GALNT13: variants seen among roughly 807,000 people sequenced by gnomAD.
GALNT13 encodes the protein UDP-GalNAc:polypeptide N-acetylgalactosaminyltransferase 13.
A neutral mutation model predicts 64.2 loss-of-function variants in GALNT13; 28 were observed. That is an observed-to-expected ratio of 0.44 (90% CI 0.32 to 0.60). The LOEUF (loss-of-function observed/expected upper bound fraction) is 0.60. GALNT13 is among the 20% of genes least tolerant of loss of function. The pLI is 0.05. For missense variants in GALNT13, 577 were observed against 669.8 expected (o/e 0.86, Z 1.53); for synonymous variants, 214 against 224.6 (o/e 0.95, Z 0.42).
the GALNT13 span, among the ~76,000 whole-genome samples, chr2:153,804,629 T>C: frequency 6.6e-6 from 1 of 152,226 alleles, no homozygotes; most frequent in African/African-American, 2.4e-5. Flanking sequence ...ATTTATTTTT[T>C]ACCTGTTTAA....
At chr2:154,174,100 A>G (rs1416000944) in intron 4 of GALNT13, among the ~76,000 whole-genome samples, 1 of 152,126 alleles carries the variant, frequency 6.6e-6, no homozygotes, top group Non-Finnish European at 1.5e-5. Flanking sequence ...TAGATAATTT[A>G]ATTGTGATGA....
the GALNT13 span, among the ~76,000 whole-genome samples, chr2:153,729,092 T>G: frequency 1.3e-5 from 2 of 152,146 alleles, no homozygotes; most frequent in Non-Finnish European, 2.9e-5. Context: ...CTTCTGAAAC[T>G]GTTCTCCGCA....
chr2:153,879,866 G>A (rs1333978258), intron 1 of GALNT13, among the ~76,000 whole-genome samples: 3 of 152,032 alleles, frequency 2.0e-5, no homozygotes, highest in Non-Finnish European at 4.4e-5. Context: ...ATTATGAATG[G>A]GATAGTAAAC....
the GALNT13 span, among the ~76,000 whole-genome samples, chr2:153,291,971 T>A: frequency 5.9e-5 from 9 of 152,132 alleles, no homozygotes; most frequent in Non-Finnish European, 1.2e-4. Context: ...AGGAGATGTA[T>A]GAAACAAGAA....
At chr2:154,051,574 G>C (rs1699622175) in intron 3 of GALNT13, among the ~76,000 whole-genome samples, 2 of 152,160 alleles carry the variant, frequency 1.3e-5, no homozygotes, top group South Asian at 4.1e-4. Flanking sequence ...ACAGGCGTGA[G>C]CCACCGCGCC....
rs535456364 is a variant in GALNT13 at position 154,079,002 on chromosome 2, C to T, written c.143-61335C>T. Among the ~76,000 whole-genome samples the T allele has an allele frequency of 7.8e-4, 118 of 151,728 alleles. 3 individuals are homozygous for T. The South Asian group carries it at 0.024, about 31-fold the overall frequency. Reference sequence around the variant, plus strand: ...ATATGCTGGCATATGGCACATTTAGCTATTATCATTTCAAGATAATTTCCT... The same window carrying T: ...ATATGCTGGCATATGGCACATTTAGTTATTATCATTTCAAGATAATTTCCT... On this transcript the variant is annotated intron_variant, in intron 3 of 12. Transcript: ENST00000392825.
At chr2:153,560,431 T>C in the GALNT13 span, among the ~76,000 whole-genome samples, 2 of 152,070 alleles carry the variant, frequency 1.3e-5, no homozygotes, top group African/African-American at 2.4e-5. Context: ...AAAAAAAACA[T>C]TCATCCATGT....
the GALNT13 span, among the ~76,000 whole-genome samples, chr2:153,583,899 G>T: frequency 6.6e-6 from 1 of 152,176 alleles, no homozygotes; most frequent in Non-Finnish European, 1.5e-5. Context: ...CTAGAACCAA[G>T]CACCCACTTC....
intron 9 of GALNT13, among the ~76,000 whole-genome samples, chr2:154,324,310 T>C (rs1234762897): frequency 6.6e-6 from 1 of 152,096 alleles, no homozygotes; most frequent in Non-Finnish European, 1.5e-5. Flanking sequence ...CTCAATTAAG[T>C]CTTGTTTCTA....
At chr2:153,337,495 G>T in the GALNT13 span, among the ~76,000 whole-genome samples, 3 of 152,102 alleles carry the variant, frequency 2.0e-5, no homozygotes, top group Admixed American at 1.3e-4. Flanking sequence ...TTAAATACAG[G>T]ATATTTAAGA....
the GALNT13 span, among the ~76,000 whole-genome samples, chr2:153,082,616 T>C: frequency 0.03 from 789 of 26,252 alleles, 3 homozygotes; most frequent in African/African-American, 0.048. Context: ...TATATATATA[T>C]ATACACACAC....
intron 9 of GALNT13, among the ~76,000 whole-genome samples, chr2:154,375,978 G>A (rs1697972217): frequency 6.6e-6 from 1 of 152,152 alleles, no homozygotes; most frequent in Non-Finnish European, 1.5e-5. Flanking sequence ...TTGGAAGGAC[G>A]TAGTTGTTAC....
At chr2:153,809,098 C>T in the GALNT13 span, among the ~76,000 whole-genome samples, 2 of 152,180 alleles carry the variant, frequency 1.3e-5, no homozygotes, top group African/African-American at 4.8e-5. Context: ...TATTTTCTCT[C>T]TCTCAATCAC....
intron 4 of GALNT13, among the ~76,000 whole-genome samples, chr2:154,225,158 GAT>G (rs1491241583): frequency 1.9e-5 from 1 of 53,084 alleles, no homozygotes; most frequent in African/African-American, 7.0e-5. Flanking sequence ...CAGATAGATA[GAT>G]GATAGATAGA....
chr2:153,805,826 C>T, the GALNT13 span, among the ~76,000 whole-genome samples: 3 of 151,824 alleles, frequency 2.0e-5, no homozygotes, highest in African/African-American at 7.3e-5. Context: ...GATTCTGATT[C>T]TTTATGAAGA....
intron 3 of GALNT13, among the ~76,000 whole-genome samples, chr2:154,085,079 G>A (rs892597480): frequency 3.3e-5 from 5 of 151,870 alleles, no homozygotes; most frequent in African/African-American, 1.2e-4. Context: ...CTATATTTAT[G>A]TTCCTACTGA....
At chr2:154,307,476 T>C (rs773768118) in intron 9 of GALNT13, among the ~76,000 whole-genome samples, 17 of 152,214 alleles carry the variant, frequency 1.1e-4, no homozygotes, top group Non-Finnish European at 1.9e-4. Context: ...ATCTACTATA[T>C]ATCCTAACAG....
At chr2:153,496,164 C>T in the GALNT13 span, among the ~76,000 whole-genome samples, 2 of 152,122 alleles carry the variant, frequency 1.3e-5, no homozygotes, top group African/African-American at 4.8e-5. Context: ...TTCTCCAAGC[C>T]CCATTAATAA....
the GALNT13 span, among the ~76,000 whole-genome samples, chr2:153,598,148 C>T: frequency 6.6e-6 from 1 of 152,088 alleles, no homozygotes; most frequent in East Asian, 1.9e-4. Flanking sequence ...GCTCAAAGCC[C>T]TCTAATGGCT....
Sources: gnomAD v4.1 joint callset for allele counts (sites outside exome capture counted in the v4.1 genomes callset) on GRCh38, gnomAD v4.1.1 for gene constraint, MANE v1.5 for transcripts, NCBI Gene and HGNC (gene_info 2026-07-23, HGNC 2026-07-21) for gene names.